RCC2: variants seen among roughly 807,000 people sequenced by gnomAD.
RCC2 encodes the protein regulator of chromosome condensation 2, also known as protein RCC2.
RCC2 carries 19 observed loss-of-function variants against 64.1 expected under a neutral mutation model. The observed-to-expected ratio is 0.30, with a 90% CI of 0.21 to 0.44. The LOEUF (loss-of-function observed/expected upper bound fraction) is 0.44. RCC2 is among the 20% of genes least tolerant of loss of function. The pLI, the probability that RCC2 is intolerant of heterozygous loss-of-function variation, is 1.00. For synonymous variants in RCC2, 325 were observed against 279.6 expected, an observed-to-expected ratio of 1.16 and a Z score of -1.62; for missense variants, 508 against 710.4, an observed-to-expected ratio of 0.72 and a Z score of 3.24.
intron 10 of RCC2, among the ~76,000 whole-genome samples, chr1:17,412,412 G>A (rs57188450): frequency 1.3e-5 from 2 of 152,202 alleles, no homozygotes; most frequent in Admixed American, 1.3e-4. Flanking sequence ...CCCTTAGACA[G>A]GCCTAGGGGC....
intron 4 of RCC2, among the ~76,000 whole-genome samples, 199 bp downstream of exon 4, chr1:17,425,342 A>G (rs1029072254): frequency 6.6e-6 from 1 of 152,162 alleles, no homozygotes; most frequent in African/African-American, 2.4e-5. Context: ...TGGGCAAAAA[A>G]TGTCAGGGGG....
At chr1:17,411,126 A>G (rs564770371) in intron 11 of RCC2, among the ~76,000 whole-genome samples, 1 of 152,242 alleles carries the variant, frequency 6.6e-6, no homozygotes, top group South Asian at 2.1e-4. Context: ...CCTTGCAACC[A>G]CAAGAGTGCA....
intron 11 of RCC2, among the ~76,000 whole-genome samples, chr1:17,411,859 A>G (rs1317496719): frequency 6.6e-6 from 1 of 152,172 alleles, no homozygotes. Flanking sequence ...TGGTTTACAA[A>G]ATGTGAGGGG....
At chr1:17,439,247 C>G (rs1004966489) in intron 1 of RCC2, among the ~76,000 whole-genome samples, 1 of 151,210 alleles carries the variant, frequency 6.6e-6, no homozygotes, top group African/African-American at 2.4e-5. Context: ...GCCGGCCGTG[C>G]GGCCCGGCCG....
At chr1:17,412,051 A>T in intron 11 of RCC2, 71 bp downstream of exon 11, 1 of 1,338,808 alleles carries the variant, frequency 7.5e-7, no homozygotes, top group Non-Finnish European at 1.1e-6. Flanking sequence ...AGACAGGTGG[A>T]GAGAACCCAA....
intron 5 of RCC2, 87 bp from the exon 6 acceptor site, chr1:17,422,378 A>T: frequency 8.0e-7 from 1 of 1,257,786 alleles, no homozygotes; most frequent in Non-Finnish European, 1.1e-6. Context: ...AAAATAATAA[A>T]AACAGCTCAT....
intron 10 of RCC2, among the ~76,000 whole-genome samples, 172 bp from the exon 11 acceptor site, chr1:17,412,366 G>A (rs192299170): frequency 1.2e-4 from 19 of 152,336 alleles, no homozygotes; most frequent in African/African-American, 2.6e-4. Flanking sequence ...AGATTGTTCC[G>A]TGCAGGCCAC....
rs1037780847 is a variant in RCC2, at chr1:17,439,572, G to C, written c.-36C>G. 2.0e-5 allele frequency: 3 copies of C among 148,130 alleles called. No individual in the cohort carries two copies. Among genetic ancestry groups the C allele is most frequent in the African/African-American group, 7.3e-5 (3 of 40,842 alleles). 9.2% of individuals were successfully genotyped at this position (148,130 alleles called of 1,614,324 possible). On this transcript the variant is annotated 5_prime_UTR_variant, in exon 1 of 13. Coordinates refer to ENST00000375436, the MANE Select transcript of RCC2 (RefSeq NM_018715.4). ...GGTTGGAGTGATGAGAAACCGGAGA[G>C]AAAAAAGGAAGAGAAGCAACTAAAA...
chr1:17,425,698 G>A lies in RCC2; in HGVS notation c.380-14C>T, dbSNP rs780731558. 1 of 1,599,616 alleles carries A rather than the reference G, an allele frequency of 6.3e-7. No homozygotes were observed. The highest frequency in any genetic ancestry group is 1.1e-5 in the South Asian group (1 of 90,498). On this transcript the variant is annotated splice_polypyrimidine_tract_variant and intron_variant, in intron 3 of 12. Coordinates refer to ENST00000375436, the MANE Select transcript of RCC2 (RefSeq NM_018715.4). Reference sequence around the variant, plus strand: ...TGCGGTAAGCAGCTGCAGAGAGAATGAGAATGCAGATCAGACACCTGGGGT... The same window carrying A: ...TGCGGTAAGCAGCTGCAGAGAGAATAAGAATGCAGATCAGACACCTGGGGT...
rs1039018211 is a variant in RCC2, at chr1:17,408,148, C to CG, written c.*941dup. On this transcript the variant is annotated 3_prime_UTR_variant, in exon 13 of 13. Transcript: ENST00000375436. The stretch of plus-strand genomic sequence containing the variant: ...CGGCCCGCGCGAGGCAGGATCCAGG[C>CG]GGGGGGGAGAAAAAGAGACCAAAGC... The CG allele has an allele frequency of 2.4e-4, 36 of 152,366 alleles. No individual in the cohort carries two copies. The highest frequency in any genetic ancestry group is 5.5e-4 in the African/African-American group (23 of 41,504). 9.4% of individuals were successfully genotyped at this position (152,366 alleles called of 1,614,324 possible). A position where few individuals can be genotyped will look rare whatever the true frequency, so the allele number is the denominator to read the frequency against.
chr1:17,416,438 T>C (rs772202261), intron 8 of RCC2, 42 bp downstream of exon 8: 2 of 1,578,328 alleles, frequency 1.3e-6, no homozygotes, highest in Non-Finnish European at 1.7e-6. Context: ...ACCCCTTCCA[T>C]CCTGGTGCGA....
At chr1:17,438,053 G>C (rs1336486227) in intron 2 of RCC2, among the ~76,000 whole-genome samples, 177 bp downstream of exon 2, 2 of 145,680 alleles carry the variant, frequency 1.4e-5, no homozygotes, top group African/African-American at 5.0e-5. Context: ...GCCCCGTACC[G>C]AGCCCTTTTG....
chr1:17,420,640 C>CA, intron 7 of RCC2, 74 bp downstream of exon 7: 1 of 875,522 alleles, frequency 1.1e-6, no homozygotes. Flanking sequence ...CACGTGTGTG[C>CA]AGCCCCACAC....
chr1:17,436,771 G>A (rs2100400418), intron 2 of RCC2, among the ~76,000 whole-genome samples: 1 of 152,340 alleles, frequency 6.6e-6, no homozygotes, highest in East Asian at 1.9e-4. Flanking sequence ...CTCAAAATAG[G>A]ATACAGGAGA....
intron 3 of RCC2, 22 bp downstream of exon 3, chr1:17,429,082 GTT>G (rs767232526): frequency 6.3e-7 from 1 of 1,586,480 alleles, no homozygotes; most frequent in Non-Finnish European, 8.7e-7. Flanking sequence ...CACTCAATGG[GTT>G]TTTGAGGCAC....
intron 3 of RCC2, among the ~76,000 whole-genome samples, chr1:17,426,309 A>C (rs1057141049): frequency 1.3e-5 from 2 of 152,086 alleles, no homozygotes; most frequent in African/African-American, 4.8e-5. Context: ...CTGCTCACAC[A>C]GTATCACCCC....
chr1:17,422,003 CA>C (rs35539065), intron 6 of RCC2, among the ~76,000 whole-genome samples, 199 bp downstream of exon 6: 1 of 150,742 alleles, frequency 6.6e-6, no homozygotes, highest in East Asian at 2.0e-4. Flanking sequence ...CCAGCCTGGG[CA>C]AAAAGAGTGA....
intron 12 of RCC2, among the ~76,000 whole-genome samples, chr1:17,409,447 C>CA (rs1260002670): frequency 6.6e-6 from 1 of 152,260 alleles, no homozygotes; most frequent in Non-Finnish European, 1.5e-5. Flanking sequence ...CACCTCTTAT[C>CA]AGCAGGGACA....
At position 17,438,486 on chromosome 1, in the gene RCC2, G is replaced by A; in HGVS notation, c.29C>T (p.Ala10Val). 1 of 1,330,314 alleles carries A rather than the reference G, an allele frequency of 7.5e-7. No individual in the cohort carries two copies. The highest frequency in any genetic ancestry group is 9.6e-7 in the Non-Finnish European group (1 of 1,042,762). The allele number at this position is 1,330,314 out of a possible 1,614,324, so 82.4% of individuals were successfully genotyped here. ...GTTGCCCGAGCTCGGCTCCTCCCAG[G>A]CCGCCGCCGCCGCCTTCTTCCTGGG... is the stretch of plus-strand genomic sequence containing the variant. MPRKKAAAA[A>V]WEEPSSGNGT... is the part of the protein sequence containing the mutation. The change falls in exon 2 of 13, where the codon GCC becomes GTC. Residue 10 changes from alanine to valine, a missense_variant. Physicochemically the swap from Ala to Val is moderately conservative, Grantham distance 64 (BLOSUM62 0). Around this residue, in one of 4 missense-constraint regions of RCC2, gnomAD observed 195 missense variants for 158.3 expected, o/e 1.23. Coordinates refer to ENST00000375436, the MANE Select transcript of RCC2 (RefSeq NM_018715.4).
Sources: allele counts gnomAD v4.1 joint callset (sites outside exome capture counted in the v4.1 genomes callset), GRCh38; gene constraint gnomAD v4.1.1; regional missense constraint gnomAD v4.1.1; transcripts MANE v1.5; gene names NCBI Gene and HGNC (gene_info 2026-07-23, HGNC 2026-07-21).